Variants in BTBD9 observed in about 807,000 individuals in gnomAD.
BTBD9 encodes the protein BTB/POZ domain-containing protein 9.
In BTBD9, 49 loss-of-function variants were observed where a neutral mutation model predicts 64.3. The ratio of observed to expected loss-of-function variants is 0.76; its 90% CI spans 0.61 to 0.97. The LOEUF (loss-of-function observed/expected upper bound fraction) is 0.97. Among genes scored for constraint, BTBD9 ranks in the 50% least tolerant of loss-of-function variants. The pLI, the probability that BTBD9 is intolerant of heterozygous loss-of-function variation, is 0.00. For missense variants in BTBD9, 598 were observed against 762.1 expected (o/e 0.78, Z 2.53); for synonymous variants, 260 against 274.7 (o/e 0.95, Z 0.53).
chr6:38,342,076 G>A (rs1018409990), intron 7 of BTBD9, among the ~76,000 whole-genome samples: 3 of 152,064 alleles, frequency 2.0e-5, no homozygotes, highest in African/African-American at 7.2e-5. Flanking sequence ...GTTATTTCCT[G>A]TCATCATTAT....
chr6:38,608,830 T>C (rs955369123), intron 1 of BTBD9, among the ~76,000 whole-genome samples: 6 of 152,240 alleles, frequency 3.9e-5, no homozygotes, highest in Non-Finnish European at 8.8e-5. Flanking sequence ...CGAATTATAC[T>C]AGTATTTTGC....
At chr6:38,585,048 T>C (rs749098440) in intron 4 of BTBD9, among the ~76,000 whole-genome samples, 1 of 149,596 alleles carries the variant, frequency 6.7e-6, no homozygotes, top group African/African-American at 2.5e-5. Context: ...CGTCATCCTA[T>C]TAAATTAAAA....
chr6:38,601,688 A>G (rs998868565), intron 1 of BTBD9, among the ~76,000 whole-genome samples: 7 of 152,206 alleles, frequency 4.6e-5, no homozygotes, highest in Non-Finnish European at 1.0e-4. Flanking sequence ...CCTGTCTCAA[A>G]AAAATAAAAA....
At chr6:38,395,218 C>A (rs915395732) in intron 6 of BTBD9, among the ~76,000 whole-genome samples, 3 of 152,104 alleles carry the variant, frequency 2.0e-5, no homozygotes, top group Non-Finnish European at 4.4e-5. Context: ...ATTACTTGAG[C>A]CCCAAAGTTA....
intron 1 of BTBD9, among the ~76,000 whole-genome samples, chr6:38,607,769 C>CAAAA (rs5875633): frequency 1.4e-5 from 2 of 144,460 alleles, no homozygotes; most frequent in African/African-American, 5.0e-5. Context: ...ACTCCCAAGG[C>CAAAA]AAAAAAAAAA....
chr6:38,412,587 G>A (rs779201141), intron 6 of BTBD9, among the ~76,000 whole-genome samples: 10 of 151,762 alleles, frequency 6.6e-5, no homozygotes, highest in Middle Eastern at 3.4e-3. Context: ...GACCAGGTGC[G>A]GTGGCTCACA....
chr6:38,574,376 G>C (rs764669676), intron 6 of BTBD9, among the ~76,000 whole-genome samples: 1 of 152,074 alleles, frequency 6.6e-6, no homozygotes, highest in Non-Finnish European at 1.5e-5. Context: ...AGATAGGCCG[G>C]TTGTTAAGAT....
At chr6:38,537,988 C>G (rs139791728) in intron 6 of BTBD9, among the ~76,000 whole-genome samples, 152 of 152,272 alleles carry the variant, frequency 1.0e-3, no homozygotes, top group Admixed American at 1.6e-3. Context: ...TAAGAAAGAG[C>G]CTGCCTATCA....
intron 6 of BTBD9, among the ~76,000 whole-genome samples, chr6:38,514,809 CT>C (rs1292712479): frequency 1.3e-5 from 2 of 152,170 alleles, no homozygotes; most frequent in African/African-American, 4.8e-5. Context: ...CTTAAAAGGA[CT>C]ACTTCATCCA....
chr6:38,175,229 G>C, intron 10 of BTBD9, 47 bp from the exon 11 acceptor site: 1 of 1,600,742 alleles, frequency 6.2e-7, no homozygotes, highest in Non-Finnish European at 8.5e-7. Flanking sequence ...GTCAGCATGC[G>C]GCCCTGGAGT....
chr6:38,177,946 C>T (rs954261063), intron 10 of BTBD9, among the ~76,000 whole-genome samples: 6 of 152,238 alleles, frequency 3.9e-5, no homozygotes, highest in African/African-American at 7.2e-5. Context: ...ACAGAGCTCA[C>T]GGCAGGCCCT....
chr6:38,226,835 T>TCCAA (rs1462524466), intron 9 of BTBD9, among the ~76,000 whole-genome samples: 1 of 152,184 alleles, frequency 6.6e-6, no homozygotes, highest in Non-Finnish European at 1.5e-5. Context: ...ACCATGGGGA[T>TCCAA]CCAATTAACT....
intron 7 of BTBD9, among the ~76,000 whole-genome samples, chr6:38,299,493 T>C (rs1347304565): frequency 6.6e-6 from 1 of 152,210 alleles, no homozygotes; most frequent in Non-Finnish European, 1.5e-5. Flanking sequence ...AGTGTTCCTA[T>C]TTCTCCACAT....
chr6:38,437,533 T>C (rs77729426), intron 6 of BTBD9, among the ~76,000 whole-genome samples: 218 of 152,314 alleles, frequency 1.4e-3, no homozygotes, highest in African/African-American at 5.1e-3. Context: ...TTTATTGTTA[T>C]TTCTTTGAAA....
At chr6:38,330,049 TTTTC>T (rs1278943822) in intron 7 of BTBD9, among the ~76,000 whole-genome samples, 3 of 132,830 alleles carry the variant, frequency 2.3e-5, no homozygotes, top group Admixed American at 7.5e-5. Context: ...CCTTTTTTTC[TTTTC>T]TTTTTTTTTG....
In BTBD9 at chr6:38,595,495, T is replaced by C. The variant is rs1582692283; in HGVS notation, c.186-1168A>G. Among the ~76,000 whole-genome samples the C allele has an allele frequency of 2.6e-5, 4 of 151,924 alleles. No individual in the cohort carries two copies. The South Asian group carries it at 8.3e-4, about 32-fold the overall frequency. On this transcript the variant is annotated intron_variant, in intron 2 of 10. Transcript: ENST00000481247. ...TAATATGAACCAATTAAACTTCCAA[T>C]CTATCAGGAAAGAAAGGACGAAGAG... is the stretch of plus-strand genomic sequence containing the variant.
intron 6 of BTBD9, among the ~76,000 whole-genome samples, chr6:38,413,173 T>C (rs1256704809): frequency 1.3e-5 from 2 of 152,094 alleles, no homozygotes; most frequent in African/African-American, 4.8e-5. Context: ...ATAACATCCC[T>C]CTTTTAAAAA....
At chr6:38,616,408 C>T (rs1013749994) in intron 1 of BTBD9, among the ~76,000 whole-genome samples, 7 of 152,112 alleles carry the variant, frequency 4.6e-5, no homozygotes, top group South Asian at 2.1e-4. Context: ...TTTATTACAA[C>T]GCCCTACTAT....
At chr6:38,439,278 C>T (rs772694957) in intron 6 of BTBD9, among the ~76,000 whole-genome samples, 1 of 151,806 alleles carries the variant, frequency 6.6e-6, no homozygotes, top group Non-Finnish European at 1.5e-5. Flanking sequence ...CGTGTACCAC[C>T]ATGCCCAGCT....
Sources: gnomAD v4.1 joint callset for allele counts (sites outside exome capture counted in the v4.1 genomes callset) on GRCh38, gnomAD v4.1.1 for gene constraint, MANE v1.5 for transcripts, NCBI Gene and HGNC (gene_info 2026-07-23, HGNC 2026-07-21) for gene names.